CTPS1: variants seen among roughly 807,000 people sequenced by gnomAD.
The protein encoded by CTPS1 is CTP synthase 1, also known as CTP synthetase 1.
In CTPS1, 25 loss-of-function variants were observed where a neutral mutation model predicts 80.5. The ratio of observed to expected loss-of-function variants is 0.31; its 90% CI spans 0.23 to 0.43. The LOEUF is 0.43. Among genes scored for constraint, CTPS1 ranks in the 20% least tolerant of loss-of-function variants. The pLI is 1.00. For missense variants in CTPS1, 442 were observed against 725.7 expected (o/e 0.61, Z 4.49); for synonymous variants, 267 against 252.5 (o/e 1.06, Z -0.54).
rs574844376 is a variant in CTPS1, at chr1:40,993,870, C to A, written c.720+2025C>A. Among the ~76,000 whole-genome samples, 31 of 147,826 alleles carry A rather than the reference C, an allele frequency of 2.1e-4. 1 individual carries two copies. In the South Asian group the frequency reaches 6.5e-3, roughly 31 times the overall value. ...CTTGGCTCACTGCCATCTCTGTCTC[C>A]CGTGTTCAAGCGATTCTCCTGCCTC... On this transcript the variant is annotated intron_variant, in intron 7 of 18. Coordinates refer to ENST00000650070, the MANE Select transcript of CTPS1 (RefSeq NM_001905.4).
chr1:41,008,460 T>C (rs979914953), intron 14 of CTPS1, among the ~76,000 whole-genome samples, 199 bp from the exon 15 acceptor site: 1 of 152,204 alleles, frequency 6.6e-6, no homozygotes, highest in Non-Finnish European at 1.5e-5. Flanking sequence ...TCTGTAGTGT[T>C]GTCAGAAAGA....
chr1:40,986,578 C>T (rs1048159210), intron 3 of CTPS1, among the ~76,000 whole-genome samples: 3 of 152,304 alleles, frequency 2.0e-5, no homozygotes, highest in South Asian at 2.1e-4. Context: ...TATTCTTCTG[C>T]GTGAGGCAAA....
intron 1 of CTPS1, among the ~76,000 whole-genome samples, chr1:40,981,436 C>T (rs1161445304): frequency 6.6e-6 from 1 of 152,116 alleles, no homozygotes; most frequent in Non-Finnish European, 1.5e-5. Flanking sequence ...GTAACTCACT[C>T]GGTGGCAGAG....
chr1:40,995,932 G>A lies in CTPS1; in HGVS notation c.736G>A (p.Asp246Asn). ...TTCTAAACAGGTGATCTGTGTCCAC[G>A]ATGTCTCATCCATCTACCGAGTCCC... ...VEPEQVICVH[D>N]VSSIYRVPLL... The change falls in exon 8 of 19, where the codon GAT becomes AAT. Residue 246 changes from aspartate (D) to asparagine (N), a missense_variant. Transcript: ENST00000650070. 6.2e-7 allele frequency: 1 copy of A among 1,614,014 alleles called. No individual in the cohort carries two copies. Among genetic ancestry groups the A allele is most frequent in the Non-Finnish European group, 8.5e-7 (1 of 1,179,900 alleles).
chr1:40,983,289 A>C lies in CTPS1; in HGVS notation c.-2A>C. ...TTTCCTTCTTCCAGGTCAAAGAGTA[A>C]AATGAAGTACATTCTGGTTACTGGT... On this transcript the variant is annotated 5_prime_UTR_variant, in exon 2 of 19. Coordinates refer to ENST00000650070, the MANE Select transcript of CTPS1 (RefSeq NM_001905.4). 1 of 1,612,076 alleles carries C rather than the reference A, an allele frequency of 6.2e-7. No homozygotes were observed. The highest frequency in any genetic ancestry group is 8.5e-7 in the Non-Finnish European group (1 of 1,178,842).
rs149697812 is a variant in CTPS1, at chr1:40,981,865, G to A, written c.-13-1413G>A. 1.9e-3 allele frequency: 1,088 copies of A among 563,606 alleles called. 17 individuals are homozygous for A. The African/African-American group carries it at 0.02, about 10-fold the overall frequency. The allele number at this position is 563,606 out of a possible 1,614,324, so 34.9% of individuals were successfully genotyped here. A position where few individuals can be genotyped will look rare whatever the true frequency, so the allele number is the denominator to read the frequency against. On this transcript the variant is annotated intron_variant, in intron 1 of 18. Transcript: ENST00000650070. ...TGCCAAGTGTGTTCTTTCTTGCTCT[G>A]GGGAGGGGGTGGGGCGGGGGAATGC... is the stretch of plus-strand genomic sequence containing the variant.
At position 40,990,315 on chromosome 1, in the gene CTPS1, G is replaced by A. The variant is rs554064543; in HGVS notation, c.556-850G>A. Among the ~76,000 whole-genome samples the A allele has an allele frequency of 5.9e-5, 9 of 152,126 alleles. No individual in the cohort carries two copies. The South Asian group carries it at 1.9e-3, about 32-fold the overall frequency. Reference sequence around the variant, plus strand: ...TTTCTGGGTTGAAAGGGCCCCCTTGGTGCCTATCATATTGGATGACAGATG... The same window carrying A: ...TTTCTGGGTTGAAAGGGCCCCCTTGATGCCTATCATATTGGATGACAGATG... On this transcript the variant is annotated intron_variant, in intron 5 of 18. Transcript: ENST00000650070.
At position 40,988,641 on chromosome 1, in the gene CTPS1, C is replaced by T. The variant is rs1558138208; in HGVS notation, c.486C>T (p.Ala162=). 1 of 1,614,130 alleles carries T rather than the reference C, an allele frequency of 6.2e-7. No individual in the cohort carries two copies. ...GDIESMPFIE[A]FRQFQFKVKR... ...TAGAAAGCATGCCCTTTATTGAGGC[C>T]TTCCGTCAGTTCCAATTCAAGGTCA... The change falls in exon 5 of 19, where the codon GCC becomes GCT. Residue 162 remains alanine, a synonymous_variant. Transcript: ENST00000650070.
chr1:40,991,359 A>G (rs1570952356), intron 6 of CTPS1, 111 bp downstream of exon 6: 2 of 783,024 alleles, frequency 2.6e-6, no homozygotes, highest in Admixed American at 3.1e-5. Flanking sequence ...ATAATTGATG[A>G]TGGAGAAAAT....
At chr1:41,002,898 G>A (rs1642938419) in intron 11 of CTPS1, among the ~76,000 whole-genome samples, 1 of 152,138 alleles carries the variant, frequency 6.6e-6, no homozygotes, top group Non-Finnish European at 1.5e-5. Flanking sequence ...GGATAACTTT[G>A]CAAATCTAGA....
At chr1:40,989,093 T>C (rs1015768747) in intron 5 of CTPS1, among the ~76,000 whole-genome samples, 3 of 152,340 alleles carry the variant, frequency 2.0e-5, no homozygotes, top group African/African-American at 7.2e-5. Flanking sequence ...TGCCGGATCT[T>C]AAGCCCGCAG....
intron 13 of CTPS1, among the ~76,000 whole-genome samples, chr1:41,006,388 A>G (rs763047179): frequency 6.6e-6 from 1 of 152,186 alleles, no homozygotes. Flanking sequence ...AACTCCCAGA[A>G]CACAGTATAG....
At chr1:40,982,509 TCTCCTGAGTAA>T (rs961937469) in intron 1 of CTPS1, among the ~76,000 whole-genome samples, 1 of 152,054 alleles carries the variant, frequency 6.6e-6, no homozygotes, top group African/African-American at 2.4e-5. Context: ...CCTGCCTCAG[TCTCCTGAGTAA>T]CTGGGACTAC....
chr1:41,010,517 G>T (rs1472910788), intron 18 of CTPS1, among the ~76,000 whole-genome samples: 1 of 152,188 alleles, frequency 6.6e-6, no homozygotes, highest in Non-Finnish European at 1.5e-5. Context: ...TGGTCACTGG[G>T]CAGTTGTCTC....
chr1:40,994,667 CA>C (rs1642707368), intron 7 of CTPS1, among the ~76,000 whole-genome samples: 2 of 152,054 alleles, frequency 1.3e-5, no homozygotes, highest in Non-Finnish European at 2.9e-5. Flanking sequence ...TTTTCTGGTT[CA>C]TTTTTTTTTC....
Position 40,991,228 on chromosome 1 carries a change from C to T in CTPS1, c.619C>T (p.Leu207Phe). 1 of 1,591,500 alleles carries T rather than the reference C, an allele frequency of 6.3e-7. No individual in the cohort carries two copies. Among genetic ancestry groups the T allele is most frequent in the Non-Finnish European group, 8.5e-7 (1 of 1,174,200 alleles). ...TQNSVRELRGLGLSPDLVVCR... is the reference protein window; with the variant it reads ...TQNSVRELRGFGLSPDLVVCR... The stretch of plus-strand genomic sequence containing the variant: ...GAATAGTGTTCGGGAACTTAGAGGA[C>T]TTGGGCTTTCCCCAGATCTGGTAAG... The change falls in exon 6 of 19, where the codon CTT becomes TTT. Residue 207 changes from leucine to phenylalanine, a missense_variant. Leu to Phe is a conservative substitution (Grantham distance 22). This residue lies in a region of CTPS1 where 27 missense variants were observed against 83.6 expected (regional missense o/e 0.32). Coordinates refer to ENST00000650070, the MANE Select transcript of CTPS1 (RefSeq NM_001905.4).
chr1:40,996,146 A>G (rs1461480758), intron 8 of CTPS1, 78 bp downstream of exon 8: 4 of 1,531,368 alleles, frequency 2.6e-6, no homozygotes, highest in African/African-American at 1.4e-5. Context: ...CTCTAGCCCT[A>G]GCACTTTTGT....
chr1:41,006,150 A>G (rs1333758762), intron 13 of CTPS1, 56 bp downstream of exon 13: 2 of 1,379,092 alleles, frequency 1.5e-6, no homozygotes, highest in Non-Finnish European at 1.0e-6. Context: ...AGGGGCATTT[A>G]TGAACGTGAT....
At chr1:41,011,349 A>T (rs1643168092) in intron 18 of CTPS1, among the ~76,000 whole-genome samples, 1 of 152,216 alleles carries the variant, frequency 6.6e-6, no homozygotes, top group Admixed American at 6.5e-5. Flanking sequence ...GGAGGTAGAT[A>T]TTTGGTCAGT....
Sources: gnomAD v4.1 joint callset for allele counts (sites outside exome capture counted in the v4.1 genomes callset) on GRCh38, gnomAD v4.1.1 for gene constraint, gnomAD v4.1.1 regional missense constraint, MANE v1.5 for transcripts, NCBI Gene and HGNC (gene_info 2026-07-23, HGNC 2026-07-21) for gene names.